Variants in USHBP1 observed in about 807,000 individuals in gnomAD.
The protein encoded by USHBP1 is harmonin-binding protein USHBP1.
In USHBP1, 67 loss-of-function variants were observed where a neutral mutation model predicts 76.2. That is an observed-to-expected ratio of 0.88 (90% confidence interval 0.72 to 1.08). The LOEUF is 1.08. Among genes scored for constraint, USHBP1 ranks in the 50% least tolerant of loss-of-function variants. The probability of loss-of-function intolerance (pLI) is 0.00; values close to 1 mark genes in which losing one functional copy is unlikely to be tolerated. For synonymous variants in USHBP1, 322 were observed against 362.2 expected, an observed-to-expected ratio of 0.89 and a Z score of 1.26; for missense variants, 931 against 915.0, an observed-to-expected ratio of 1.02 and a Z score of -0.23.
intron 8 of USHBP1, 133 bp downstream of exon 8, chr19:17,258,079 C>A: frequency 8.0e-7 from 1 of 1,248,048 alleles, no homozygotes; most frequent in Admixed American, 2.0e-5. Flanking sequence ...CAACCAACTA[C>A]AGTGAGCTCC....
At chr19:17,251,018 G>A (rs1322349503) in intron 12 of USHBP1, among the ~76,000 whole-genome samples, 3 of 151,800 alleles carry the variant, frequency 2.0e-5, no homozygotes, top group East Asian at 1.9e-4. Flanking sequence ...GCGCCACCAC[G>A]CCTGGCTAAT....
At chr19:17,255,242 A>T (rs2073603213) in intron 10 of USHBP1, 143 bp downstream of exon 10, 1 of 915,020 alleles carries the variant, frequency 1.1e-6, no homozygotes, top group Non-Finnish European at 1.6e-6. Flanking sequence ...TGGTGAGCCG[A>T]GATTGCAACA....
At chr19:17,264,618 A>C in intron 1 of USHBP1, 53 bp downstream of exon 1, 2 of 408,290 alleles carry the variant, frequency 4.9e-6, no homozygotes, top group Non-Finnish European at 8.9e-6. Context: ...TGCGATCTCA[A>C]GAATTCCCTC....
In USHBP1 at chr19:17,250,230, GA is replaced by G; in HGVS notation, c.2106del (p.Leu703CysfsTer19). 1 of 1,607,610 alleles carries G rather than the reference GA, an allele frequency of 6.2e-7. No individual in the cohort carries two copies. The highest frequency in any genetic ancestry group is 1.1e-5 in the South Asian group (1 of 90,348). ...GACATGGCTGGGTAAGGGGCCTACA[GA>G]AAGGTGTCCCCAAGCTGGGGAGGCG... The part of the protein sequence containing the change: ...PLPPPQLGDT[F>X]L On this transcript the variant is annotated frameshift_variant, in exon 13 of 13. Coordinates refer to ENST00000252597, the MANE Select transcript of USHBP1 (RefSeq NM_031941.4). LOFTEE classifies it high-confidence loss of function.
Position 17,262,869 on chromosome 19 carries a change from C to T in USHBP1, c.325G>A (p.Val109Met). 4 of 1,612,590 alleles carry T rather than the reference C, an allele frequency of 2.5e-6. No individual in the cohort carries two copies. Among genetic ancestry groups the T allele is most frequent in the South Asian group, 1.1e-5 (1 of 91,002 alleles). ...TCGGGGGCCCCATTCCCAGGGGGCA[C>T]AGTCTCCTTGTACTGTAGGGCTGCT... ...PEAALQYKET[V>M]PPGNGAPDVF... The change falls in exon 4 of 13, where the codon GTG (valine) becomes ATG (methionine). Residue 109 changes from valine (V) to methionine (M), a missense_variant. Val to Met is a conservative substitution (Grantham distance 21). Transcript: ENST00000252597.
At chr19:17,259,240 A>C (rs1292419202) in intron 7 of USHBP1, 49 bp downstream of exon 7, 1 of 1,550,282 alleles carries the variant, frequency 6.5e-7, no homozygotes, top group Non-Finnish European at 8.7e-7. Flanking sequence ...CATCCTCAGA[A>C]AGCCCACTCC....
intron 3 of USHBP1, 77 bp from the exon 4 acceptor site, chr19:17,263,067 T>C: frequency 6.9e-7 from 1 of 1,452,016 alleles, no homozygotes; most frequent in South Asian, 1.6e-5. Context: ...AGACGGAGTC[T>C]CACTCTGTTG....
Position 17,264,665 on chromosome 19 carries a change from C to G in USHBP1, c.-49+6G>C. 3.5e-6 allele frequency: 1 copy of G among 287,992 alleles called. No homozygotes were observed. The highest frequency in any genetic ancestry group is 6.6e-6 in the Non-Finnish European group (1 of 151,416). The allele number at this position is 287,992 out of a possible 1,614,324, so 17.8% of individuals were successfully genotyped here. On this transcript the variant is annotated splice_donor_region_variant and intron_variant, in intron 1 of 12. Transcript: ENST00000252597. ...CCTCCTAAATGAGAGGTTCAGCTCT[C>G]TCTACCTCTCTGATCCTCTGGGGGT...
rs142526381 is a variant in USHBP1, at chr19:17,260,011, C to A, written c.654G>T (p.Leu218=). The stretch of plus-strand genomic sequence containing the variant: ...GCTCCAGCCTCAAGAGGGAATCCTG[C>A]AGCTCTTGAACCTGGGAAAGATGAG... The part of the protein sequence containing the change: ...KETLQKEVQE[L]QDSLLRLEPC... The change falls in exon 5 of 13, where the codon CTG becomes CTT. Residue 218 remains leucine (L), a synonymous_variant. Transcript: ENST00000252597. The A allele has an allele frequency of 6.2e-7, 1 of 1,613,196 alleles. No homozygotes were observed. The highest frequency in any genetic ancestry group is 8.5e-7 in the Non-Finnish European group (1 of 1,179,402).
chr19:17,250,989 T>G (rs558709062), intron 12 of USHBP1, among the ~76,000 whole-genome samples: 1 of 152,058 alleles, frequency 6.6e-6, no homozygotes, highest in African/African-American at 2.4e-5. Context: ...GCCTACCGAG[T>G]AGCTGGGATC....
intron 10 of USHBP1, among the ~76,000 whole-genome samples, chr19:17,255,083 C>T (rs1389261349): frequency 2.0e-5 from 3 of 151,954 alleles, no homozygotes; most frequent in Non-Finnish European, 4.4e-5. Flanking sequence ...TCGAGAGCAG[C>T]CTGGCTAACA....
At chr19:17,254,480 A>C (rs1007647249) in intron 10 of USHBP1, among the ~76,000 whole-genome samples, 2 of 141,470 alleles carry the variant, frequency 1.4e-5, no homozygotes, top group African/African-American at 5.3e-5. Context: ...ACATGGGGAA[A>C]CCTCATCTAC....
In USHBP1 at chr19:17,262,611, C is replaced by A; in HGVS notation, c.583G>T (p.Val195Phe). 2 of 1,613,772 alleles carry A rather than the reference C, an allele frequency of 1.2e-6. No individual in the cohort carries two copies. Among genetic ancestry groups the A allele is most frequent in the Non-Finnish European group, 1.7e-6 (2 of 1,179,976 alleles). ...LALSSREDEL[V>F]RTQASLEAIR... Reference sequence around the variant, plus strand: ...GCCTCCAGGGAGGCCTGCGTGCGGACCAGCTCATCCTCTCGGCTACTCAGG... The same window carrying A: ...GCCTCCAGGGAGGCCTGCGTGCGGAACAGCTCATCCTCTCGGCTACTCAGG... Residue 195 changes from valine to phenylalanine, a missense_variant, in exon 4 of 13, where the codon GTC becomes TTC. By Grantham distance (50) the Val-to-Phe change is conservative. Coordinates refer to ENST00000252597, the MANE Select transcript of USHBP1 (RefSeq NM_031941.4).
chr19:17,264,303 T>C lies in USHBP1; in HGVS notation c.-4A>G. 6.2e-7 allele frequency: 1 copy of C among 1,611,138 alleles called. No individual in the cohort carries two copies. The highest frequency in any genetic ancestry group is 8.5e-7 in the Non-Finnish European group (1 of 1,179,242). On this transcript the variant is annotated 5_prime_UTR_variant, in exon 2 of 13. Transcript: ENST00000252597. ...GCCGCGTGGCCCGGGCACTCATTGCTGTCCAGAAGCCAGTGCCCTCTGAAT... is the reference window on the plus strand; with the variant it reads ...GCCGCGTGGCCCGGGCACTCATTGCCGTCCAGAAGCCAGTGCCCTCTGAAT...
At chr19:17,263,861 A>G (rs575584517) in intron 3 of USHBP1, 141 bp downstream of exon 3, 1 of 1,181,978 alleles carries the variant, frequency 8.5e-7, no homozygotes. Flanking sequence ...ACACAGCAAG[A>G]CTCAAAAAAA....
rs1407937349 is a variant in USHBP1, at chr19:17,249,737, T to G, written c.*488A>C. The G allele has an allele frequency of 6.3e-6, 1 of 158,396 alleles. No homozygotes were observed. Among genetic ancestry groups the G allele is most frequent in the East Asian group, 1.9e-4 (1 of 5,246 alleles). The allele number at this position is 158,396 out of a possible 1,614,324, so 9.8% of individuals were successfully genotyped here. A position where few individuals can be genotyped will look rare whatever the true frequency, so the allele number is the denominator to read the frequency against. ...CTGGGCTCAAGTGATCTACCCACCTTGGCCTCCCAAAATGCTGGGATTACA... is the reference window on the plus strand; with the variant it reads ...CTGGGCTCAAGTGATCTACCCACCTGGGCCTCCCAAAATGCTGGGATTACA... On this transcript the variant is annotated 3_prime_UTR_variant, in exon 13 of 13. Coordinates refer to ENST00000252597, the MANE Select transcript of USHBP1 (RefSeq NM_031941.4).
At position 17,262,756 on chromosome 19, in the gene USHBP1, C is replaced by T. The variant is rs770998002; in HGVS notation, c.438G>A (p.Pro146=). 4.3e-6 allele frequency: 7 copies of T among 1,614,092 alleles called. No individual in the cohort carries two copies. The highest frequency in any genetic ancestry group is 5.1e-6 in the Non-Finnish European group (6 of 1,180,044). Residue 146 remains proline (P), a synonymous_variant, in exon 4 of 13, where the codon CCG becomes CCA. Transcript: ENST00000252597. ...CTTCGCTTGTGCCTTCGAACTCCAT[C>T]GGCCCAGAATGGCTGGGGGGCTGGT... ...WRHQPPSHSG[P]MEFEGTSEGG...
chr19:17,255,734 C>T (rs2073611914), intron 9 of USHBP1, 128 bp from the exon 10 acceptor site: 3 of 1,022,192 alleles, frequency 2.9e-6, no homozygotes, highest in Non-Finnish European at 4.2e-6. Context: ...GGCGCAGTGG[C>T]TCATGCCTGT....
intron 8 of USHBP1, among the ~76,000 whole-genome samples, chr19:17,257,575 G>C (rs1416921802): frequency 6.8e-6 from 1 of 147,322 alleles, no homozygotes; most frequent in East Asian, 2.1e-4. Context: ...CCGGGAGGCA[G>C]AGGTTGCAGT....
Sources: gnomAD v4.1 joint callset for allele counts (sites outside exome capture counted in the v4.1 genomes callset) on GRCh38, gnomAD v4.1.1 for gene constraint, MANE v1.5 for transcripts, NCBI Gene and HGNC (gene_info 2026-07-23, HGNC 2026-07-21) for gene names.